The following UBE3C variants were observed in gnomAD, a reference collection of about 807,000 sequenced individuals.
UBE3C encodes ubiquitin protein ligase E3C.
UBE3C carries 42 observed loss-of-function variants against 129.4 expected under a neutral mutation model. The observed-to-expected ratio is 0.32, with a 90% confidence interval of 0.25 to 0.42. UBE3C has a LOEUF of 0.42. UBE3C is among the 10% of genes least tolerant of loss of function. The probability of loss-of-function intolerance (pLI) is 1.00; values close to 1 mark genes in which losing one functional copy is unlikely to be tolerated. For synonymous variants in UBE3C, 510 were observed against 492.4 expected (o/e 1.04, Z -0.47); for missense variants, 1,049 against 1,319.1 (o/e 0.80, Z 3.17).
rs773172443 is a variant in UBE3C at position 157,170,415 on chromosome 7, T to G, written c.307T>G (p.Phe103Val). ...TACCCTTTTGGTAAGGCAGCTTCTG[T>G]TTTTTTACAAACAAAATGAAGACTC... Reference protein sequence around the residue: ...NLTLLVRQLLFFYKQNEDSKR... With the variant: ...NLTLLVRQLLVFYKQNEDSKR... The change falls in exon 4 of 23, where the codon TTT becomes GTT. Residue 103 changes from phenylalanine (F) to valine (V), a missense_variant. This residue lies in a region of UBE3C where 489 missense variants were observed against 513.8 expected (regional missense o/e 0.95). Coordinates refer to ENST00000348165, the MANE Select transcript of UBE3C (RefSeq NM_014671.3). 1 of 1,566,284 alleles carries G rather than the reference T, an allele frequency of 6.4e-7. No homozygotes were observed. Among genetic ancestry groups the G allele is most frequent in the Admixed American group, 2.0e-5 (1 of 50,298 alleles).
intron 18 of UBE3C, among the ~76,000 whole-genome samples, chr7:157,233,558 G>A (rs1261776903): frequency 6.6e-6 from 1 of 152,102 alleles, no homozygotes; most frequent in Non-Finnish European, 1.5e-5. Flanking sequence ...AGAATTACAG[G>A]TGTGAGCCAC....
chr7:157,164,435 G>A (rs1424170021), intron 2 of UBE3C: 7 of 456,536 alleles, frequency 1.5e-5, no homozygotes, highest in African/African-American at 8.0e-5. Context: ...GATTACAGGC[G>A]TGAACTGCCT....
chr7:157,156,790 C>T (rs189253404), intron 1 of UBE3C, among the ~76,000 whole-genome samples: 2 of 151,418 alleles, frequency 1.3e-5, no homozygotes, highest in Admixed American at 1.3e-4. Context: ...TAATAATACT[C>T]TCGGAGACAG....
intron 18 of UBE3C, 168 bp downstream of exon 18, chr7:157,231,495 G>T: frequency 1.0e-6 from 1 of 978,716 alleles, no homozygotes. Context: ...TTGTAAGTAG[G>T]TGCTATGGTT....
At chr7:157,198,445 T>C in intron 10 of UBE3C, 2 of 523,096 alleles carry the variant, frequency 3.8e-6, no homozygotes, top group South Asian at 3.8e-5. Flanking sequence ...TCCTGTGCGC[T>C]CGGAGGCCAC....
chr7:157,185,731 A>T (rs1808786897), intron 9 of UBE3C, among the ~76,000 whole-genome samples: 1 of 152,166 alleles, frequency 6.6e-6, no homozygotes, highest in African/African-American at 2.4e-5. Context: ...CTTATGTACA[A>T]TTTATTTTAA....
chr7:157,158,667 T>C (rs1807984245), intron 1 of UBE3C, among the ~76,000 whole-genome samples: 1 of 152,232 alleles, frequency 6.6e-6, no homozygotes, highest in Non-Finnish European at 1.5e-5. Context: ...ACAAACTTGG[T>C]TCTGTTCACT....
intron 9 of UBE3C, among the ~76,000 whole-genome samples, chr7:157,184,605 G>A (rs2116932129): frequency 6.6e-6 from 1 of 152,264 alleles, no homozygotes; most frequent in South Asian, 2.1e-4. Context: ...AATGGCTTGA[G>A]GTATGGCTAT....
At chr7:157,258,540 A>G (rs1213752173) in intron 22 of UBE3C, among the ~76,000 whole-genome samples, 1 of 152,168 alleles carries the variant, frequency 6.6e-6, no homozygotes, top group African/African-American at 2.4e-5. Flanking sequence ...GCTCACTGCA[A>G]CCTCTGCCTC....
At chr7:157,188,813 A>T (rs947026296) in intron 10 of UBE3C, 18 of 408,036 alleles carry the variant, frequency 4.4e-5, no homozygotes, top group African/African-American at 6.5e-5. Context: ...TGATTTTTTT[A>T]AAAAAGTATT....
At chr7:157,187,733 C>T (rs889894857) in intron 10 of UBE3C, among the ~76,000 whole-genome samples, 3 of 151,830 alleles carry the variant, frequency 2.0e-5, no homozygotes, top group Admixed American at 6.6e-5. Context: ...CCCGCCACCT[C>T]GCCCGGCTAA....
At chr7:157,169,639 G>A (rs536180178) in intron 3 of UBE3C, among the ~76,000 whole-genome samples, 1 of 152,224 alleles carries the variant, frequency 6.6e-6, no homozygotes, top group South Asian at 2.1e-4. Context: ...GCCTCCCAAA[G>A]TGCTGGGATT....
intron 13 of UBE3C, among the ~76,000 whole-genome samples, chr7:157,216,118 A>G (rs943401707): frequency 1.4e-4 from 22 of 152,252 alleles, no homozygotes; most frequent in Non-Finnish European, 4.4e-5. Context: ...TTCTGGAGTT[A>G]AGATCACAGA....
At chr7:157,170,010 G>T (rs1349320454) in intron 3 of UBE3C, among the ~76,000 whole-genome samples, 1 of 151,940 alleles carries the variant, frequency 6.6e-6, no homozygotes, top group Non-Finnish European at 1.5e-5. Flanking sequence ...AGTAGAGATG[G>T]GGTTTCGCCA....
intron 7 of UBE3C, 137 bp downstream of exon 7, chr7:157,181,808 GA>G: frequency 8.3e-7 from 1 of 1,199,050 alleles, no homozygotes; most frequent in Non-Finnish European, 1.2e-6. Flanking sequence ...TAGTTTATAG[GA>G]AAGTGTACTT....
rs773763418 is a variant in UBE3C, at chr7:157,201,747, C to T, written c.1358C>T (p.Ala453Val). 1 of 1,600,120 alleles carries T rather than the reference C, an allele frequency of 6.2e-7. No homozygotes were observed. The highest frequency in any genetic ancestry group is 1.1e-5 in the South Asian group (1 of 90,610). The change falls in exon 11 of 23, where the codon GCC becomes GTC. Residue 453 changes from alanine to valine, a missense_variant. Physicochemically the swap from Ala to Val is moderately conservative, Grantham distance 64. Around this residue, in one of 4 missense-constraint regions of UBE3C, gnomAD observed 314 missense variants for 416.9 expected, o/e 0.75. Transcript: ENST00000348165. ...CTTCTCTACAGTTTAGCCTTTAATG[C>T]CAGGTTTCTGAGACATCTTTGGTTT... Reference protein sequence around the residue: ...VRLLYSLAFNARFLRHLWFLI... With the variant: ...VRLLYSLAFNVRFLRHLWFLI...
intron 10 of UBE3C, among the ~76,000 whole-genome samples, chr7:157,199,702 C>G (rs774592952): frequency 9.2e-5 from 14 of 151,890 alleles, no homozygotes; most frequent in Non-Finnish European, 1.6e-4. Context: ...AACTCCTGAC[C>G]TCAAGTGATC....
chr7:157,157,030 G>A (rs1286211126), intron 1 of UBE3C, among the ~76,000 whole-genome samples: 1 of 152,082 alleles, frequency 6.6e-6, no homozygotes, highest in East Asian at 1.9e-4. Context: ...CTCATGTCCG[G>A]CCCAGGCGGT....
At chr7:157,247,118 T>C (rs1418233787) in intron 18 of UBE3C, among the ~76,000 whole-genome samples, 1 of 152,180 alleles carries the variant, frequency 6.6e-6, no homozygotes, top group Non-Finnish European at 1.5e-5. Context: ...ACTCCTGACC[T>C]CAGGTGATCC....
Sources: gnomAD v4.1 joint callset for allele counts (sites outside exome capture counted in the v4.1 genomes callset) on GRCh38, gnomAD v4.1.1 for gene constraint, gnomAD v4.1.1 regional missense constraint, MANE v1.5 for transcripts, NCBI Gene and HGNC (gene_info 2026-07-23, HGNC 2026-07-21) for gene names.